The following DLEU7 variants were observed in gnomAD, a reference collection of about 807,000 sequenced individuals.
DLEU7 encodes the protein leukemia-associated protein 7.
Under a neutral mutation model 16.0 loss-of-function variants are expected in DLEU7, and 17 were observed. The ratio of observed to expected loss-of-function variants is 1.06; its 90% CI spans 0.73 to 1.59. DLEU7 has a LOEUF of 1.59. DLEU7 is among the 40% of genes most tolerant of loss of function. DLEU7 has a pLI of 0.00. For synonymous variants in DLEU7, 113 were observed against 139.8 expected (o/e 0.81, Z 1.35); for missense variants, 308 against 314.9 (o/e 0.98, Z 0.17).
intron 1 of DLEU7, among the ~76,000 whole-genome samples, chr13:50,750,497 T>C (rs1874530269): frequency 6.6e-6 from 1 of 152,156 alleles, no homozygotes; most frequent in African/African-American, 2.4e-5. Context: ...TTGGTGGAGA[T>C]TGTGTTGAAT....
At chr13:50,722,984 T>G (rs1873664285) in intron 1 of DLEU7, among the ~76,000 whole-genome samples, 1 of 152,234 alleles carries the variant, frequency 6.6e-6, no homozygotes, top group Admixed American at 6.5e-5. Flanking sequence ...AAAACAACTT[T>G]AGAGGCTATG....
chr13:50,831,461 C>A (rs1044532058), intron 1 of DLEU7, among the ~76,000 whole-genome samples: 1 of 151,978 alleles, frequency 6.6e-6, no homozygotes, highest in African/African-American at 2.4e-5. Flanking sequence ...ATAACAGAAG[C>A]CAAAGTGTGG....
chr13:50,837,091 G>C (rs1566269885), intron 1 of DLEU7, among the ~76,000 whole-genome samples: 1 of 152,110 alleles, frequency 6.6e-6, no homozygotes, highest in Non-Finnish European at 1.5e-5. Flanking sequence ...AAGAACCAAA[G>C]TATTAGCCAG....
chr13:50,722,431 A>T (rs1033074708), intron 1 of DLEU7, among the ~76,000 whole-genome samples: 1 of 152,224 alleles, frequency 6.6e-6, no homozygotes, highest in Non-Finnish European at 1.5e-5. Flanking sequence ...GTCAATAAAT[A>T]TTCTTCCATA....
At chr13:50,718,846 T>C (rs1873512003) in intron 1 of DLEU7, among the ~76,000 whole-genome samples, 1 of 152,200 alleles carries the variant, frequency 6.6e-6, no homozygotes, top group African/African-American at 2.4e-5. Flanking sequence ...ACTCAAGGAC[T>C]TTCCCTAATT....
chr13:50,785,810 C>A (rs1875781582), intron 1 of DLEU7, among the ~76,000 whole-genome samples: 4 of 152,164 alleles, frequency 2.6e-5, no homozygotes, highest in Admixed American at 2.6e-4. Flanking sequence ...CCAACACTTG[C>A]CAAATGTTCT....
chr13:50,720,054 G>A (rs1171658061), intron 1 of DLEU7, among the ~76,000 whole-genome samples: 1 of 152,156 alleles, frequency 6.6e-6, no homozygotes, highest in African/African-American at 2.4e-5. Flanking sequence ...ATGGTATCAT[G>A]TAATAGACAA....
intron 1 of DLEU7, among the ~76,000 whole-genome samples, chr13:50,788,655 A>G (rs1435683002): frequency 6.6e-6 from 1 of 152,206 alleles, no homozygotes; most frequent in Non-Finnish European, 1.5e-5. Context: ...TGAAAATATT[A>G]CAAGGGAATA....
intron 1 of DLEU7, among the ~76,000 whole-genome samples, chr13:50,831,537 A>G (rs894268811): frequency 2.0e-5 from 3 of 152,206 alleles, no homozygotes; most frequent in Non-Finnish European, 4.4e-5. Context: ...TTTTGTGTTG[A>G]ATATGAGGAC....
intron 1 of DLEU7, among the ~76,000 whole-genome samples, chr13:50,816,407 G>C (rs1876736162): frequency 6.6e-6 from 1 of 152,096 alleles, no homozygotes; most frequent in African/African-American, 2.4e-5. Context: ...TGTAAACTGA[G>C]ACTGGAAGAG....
At chr13:50,728,644 T>C (rs1873831305) in intron 1 of DLEU7, among the ~76,000 whole-genome samples, 1 of 152,172 alleles carries the variant, frequency 6.6e-6, no homozygotes, top group South Asian at 2.1e-4. Context: ...CACCAAGAGT[T>C]GACTTCATCA....
chr13:50,739,369 T>C (rs775002553), intron 1 of DLEU7, among the ~76,000 whole-genome samples: 1 of 152,160 alleles, frequency 6.6e-6, no homozygotes, highest in Non-Finnish European at 1.5e-5. Flanking sequence ...AGGCATTCAA[T>C]AAATGTTTGT....
At chr13:50,807,261 G>A (rs1358695565) in intron 1 of DLEU7, among the ~76,000 whole-genome samples, 4 of 151,782 alleles carry the variant, frequency 2.6e-5, no homozygotes, top group Non-Finnish European at 4.4e-5. Flanking sequence ...ATACTATACC[G>A]GCTTCCTTAA....
At chr13:50,725,767 G>T (rs1354782927) in intron 1 of DLEU7, among the ~76,000 whole-genome samples, 1 of 152,048 alleles carries the variant, frequency 6.6e-6, no homozygotes, top group Non-Finnish European at 1.5e-5. Flanking sequence ...AACAGAGTTT[G>T]ATGAAGTTTT....
At position 50,732,606 on chromosome 13, in the gene DLEU7, C is replaced by CAAAAAAA. The variant is rs58395582; in HGVS notation, c.460-19373_460-19367dup. Among the ~76,000 whole-genome samples the CAAAAAAA allele has an allele frequency of 1.5e-3, 98 of 65,928 alleles. 17 individuals are homozygous for CAAAAAAA. Among genetic ancestry groups the CAAAAAAA allele is most frequent in the African/African-American group, 5.7e-3 (80 of 14,078 alleles). 43.3% of individuals were successfully genotyped at this position (65,928 alleles called of 152,430 possible). On this transcript the variant is annotated intron_variant, in intron 1 of 1. Transcript: ENST00000400393. ...CAGGCAACAGTATGAGACTCCATCT[C>CAAAAAAA]AAAAAAAAAAAAAAAAAAAAGCTTA...
chr13:50,825,341 C>T (rs537985044), intron 1 of DLEU7, among the ~76,000 whole-genome samples: 34 of 152,156 alleles, frequency 2.2e-4, no homozygotes, highest in Non-Finnish European at 3.4e-4. Context: ...AAATGCAGTA[C>T]GTTTGTACTT....
intron 1 of DLEU7, among the ~76,000 whole-genome samples, chr13:50,816,229 C>T (rs887722363): frequency 6.6e-6 from 1 of 152,086 alleles, no homozygotes; most frequent in Non-Finnish European, 1.5e-5. Flanking sequence ...CTCTCCCTTT[C>T]ATCCTTCAAT....
At chr13:50,730,191 G>A (rs1383699054) in intron 1 of DLEU7, among the ~76,000 whole-genome samples, 2 of 151,850 alleles carry the variant, frequency 1.3e-5, no homozygotes, top group Non-Finnish European at 1.5e-5. Flanking sequence ...GCTGTCTCGG[G>A]GTGGCAGAGC....
At position 50,719,208 on chromosome 13, in the gene DLEU7, A is replaced by T. The variant is rs1873525981; in HGVS notation, c.460-5968T>A. Among the ~76,000 whole-genome samples, 5 of 152,342 alleles carry T rather than the reference A, an allele frequency of 3.3e-5. No individual in the cohort carries two copies. In the South Asian group the frequency reaches 1.0e-3, roughly 32 times the overall value. The stretch of plus-strand genomic sequence containing the variant: ...GGCTGGGTTATAATCCATTACCATG[A>T]ATAATTTCTTCTAGAAAGTGCCTAT... On this transcript the variant is annotated intron_variant, in intron 1 of 1. Coordinates refer to the DLEU7 transcript ENST00000400393.
Sources: gnomAD v4.1 joint callset for allele counts (sites outside exome capture counted in the v4.1 genomes callset) on GRCh38, gnomAD v4.1.1 for gene constraint, MANE v1.5 for transcripts, NCBI Gene and HGNC (gene_info 2026-07-23, HGNC 2026-07-21) for gene names.